GRIA1: variants seen among roughly 807,000 people sequenced by gnomAD.
GRIA1 encodes glutamate receptor 1.
Under a neutral mutation model 99.2 loss-of-function variants are expected in GRIA1, and 31 were observed. The ratio of observed to expected loss-of-function variants is 0.31; its 90% confidence interval spans 0.23 to 0.42. The LOEUF (loss-of-function observed/expected upper bound fraction) is 0.42, where lower values mean the gene tolerates loss of function less well. Ranked by LOEUF, GRIA1 falls within the 10% of genes least tolerant of loss-of-function variation. The probability of loss-of-function intolerance (pLI) is 1.00; values close to 1 mark genes in which losing one functional copy is unlikely to be tolerated. For synonymous variants in GRIA1, 438 were observed against 432.4 expected, an observed-to-expected ratio of 1.01 and a Z score of -0.16; for missense variants, 782 against 1,157.5, an observed-to-expected ratio of 0.68 and a Z score of 4.71.
At chr5:153,801,077 G>A (rs1765990735) in intron 14 of GRIA1, among the ~76,000 whole-genome samples, 2 of 152,268 alleles carry the variant, frequency 1.3e-5, no homozygotes, top group Non-Finnish European at 2.9e-5. Flanking sequence ...CTAGGAATGA[G>A]TATTCTCCTA....
intron 2 of GRIA1, among the ~76,000 whole-genome samples, chr5:153,627,073 G>T (rs1184367737): frequency 6.6e-6 from 1 of 152,206 alleles, no homozygotes; most frequent in South Asian, 2.1e-4. Context: ...ATGTGATTCT[G>T]CATTTCTTAT....
intron 2 of GRIA1, among the ~76,000 whole-genome samples, chr5:153,637,869 G>A (rs892937168): frequency 2.0e-5 from 3 of 152,136 alleles, no homozygotes; most frequent in Admixed American, 6.5e-5. Context: ...TGCAATTTTC[G>A]TTATTCCCTA....
intron 11 of GRIA1, among the ~76,000 whole-genome samples, chr5:153,739,769 A>G (rs1220765734): frequency 1.3e-5 from 2 of 152,188 alleles, no homozygotes; most frequent in Non-Finnish European, 2.9e-5. Flanking sequence ...AGTAAGACAC[A>G]TGACATCTCT....
chr5:153,649,349 A>C (rs1754377176), intron 3 of GRIA1, among the ~76,000 whole-genome samples: 1 of 152,246 alleles, frequency 6.6e-6, no homozygotes, highest in South Asian at 2.1e-4. Flanking sequence ...CTCCAAGAAG[A>C]AACAAAGCAG....
At chr5:153,603,172 G>A (rs1460038401) in intron 2 of GRIA1, among the ~76,000 whole-genome samples, 2 of 151,900 alleles carry the variant, frequency 1.3e-5, no homozygotes, top group Non-Finnish European at 1.5e-5. Context: ...AACATGCAGT[G>A]TTTGGTTTTT....
intron 5 of GRIA1, among the ~76,000 whole-genome samples, chr5:153,663,970 G>T (rs745557039): frequency 6.6e-6 from 1 of 152,196 alleles, no homozygotes; most frequent in Non-Finnish European, 1.5e-5. Context: ...GACCATTTCA[G>T]ATATGTAAGA....
At chr5:153,569,765 TA>T (rs1761955201) in intron 2 of GRIA1, among the ~76,000 whole-genome samples, 1 of 152,200 alleles carries the variant, frequency 6.6e-6, no homozygotes, top group African/African-American at 2.4e-5. Context: ...CAGATAGGCA[TA>T]ACTACTTACA....
At chr5:153,661,160 T>C (rs1306615941) in intron 5 of GRIA1, among the ~76,000 whole-genome samples, 2 of 152,204 alleles carry the variant, frequency 1.3e-5, no homozygotes, top group Non-Finnish European at 1.5e-5. Context: ...AAAGCTGAGC[T>C]CATCCACTTT....
intron 2 of GRIA1, among the ~76,000 whole-genome samples, chr5:153,530,716 G>A (rs960667202): frequency 6.6e-6 from 1 of 152,202 alleles, no homozygotes; most frequent in African/African-American, 2.4e-5. Flanking sequence ...TGTCCTTGAG[G>A]GCTGCCCTCT....
chr5:153,529,158 A>G (rs1403117264), intron 2 of GRIA1, among the ~76,000 whole-genome samples: 2 of 152,200 alleles, frequency 1.3e-5, no homozygotes, highest in Non-Finnish European at 2.9e-5. Context: ...CTGCTTCACA[A>G]TAAGAGGCTA....
intron 2 of GRIA1, among the ~76,000 whole-genome samples, chr5:153,621,055 A>C (rs948936790): frequency 7.9e-5 from 12 of 152,244 alleles, no homozygotes; most frequent in Non-Finnish European, 1.5e-4. Context: ...GCTGTCATGC[A>C]ACATAGTGGC....
At chr5:153,502,303 G>A (rs1372031583) in intron 2 of GRIA1, among the ~76,000 whole-genome samples, 1 of 152,152 alleles carries the variant, frequency 6.6e-6, no homozygotes, top group Admixed American at 6.5e-5. Flanking sequence ...GTGTTCAGTG[G>A]TGCTAGATGA....
chr5:153,797,322 G>A (rs985583223), intron 14 of GRIA1, among the ~76,000 whole-genome samples: 2 of 152,194 alleles, frequency 1.3e-5, no homozygotes, highest in South Asian at 2.1e-4. Context: ...ATCCATATCA[G>A]AGACTGAATG....
At chr5:153,787,483 A>AT (rs35925183) in intron 13 of GRIA1, among the ~76,000 whole-genome samples, 13,364 of 152,074 alleles carry the variant, frequency 0.088, 824 homozygotes, top group Non-Finnish European at 0.12. Flanking sequence ...GAATCTTGGA[A>AT]TTTTCAGATG....
At chr5:153,594,264 C>T (rs1467731249) in intron 2 of GRIA1, among the ~76,000 whole-genome samples, 2 of 152,166 alleles carry the variant, frequency 1.3e-5, no homozygotes, top group Admixed American at 1.3e-4. Context: ...GACTCAGACC[C>T]TTCAGTTTTA....
intron 2 of GRIA1, among the ~76,000 whole-genome samples, chr5:153,527,128 A>G (rs529296150): frequency 1.3e-5 from 2 of 152,320 alleles, no homozygotes; most frequent in African/African-American, 4.8e-5. Context: ...GCTGATCATA[A>G]TCTTGAGAAC....
chr5:153,775,998 T>A (rs1298768753), intron 13 of GRIA1, among the ~76,000 whole-genome samples: 2 of 152,160 alleles, frequency 1.3e-5, no homozygotes, highest in Admixed American at 6.5e-5. Context: ...GCTGCGGTCA[T>A]ATTGTGAAGA....
intron 2 of GRIA1, among the ~76,000 whole-genome samples, chr5:153,615,220 T>C (rs1454626848): frequency 2.0e-5 from 3 of 152,164 alleles, no homozygotes; most frequent in Admixed American, 6.5e-5. Context: ...CATCAGCAAA[T>C]ACTTACTAAG....
At chr5:153,505,986 C>T (rs559865248) in intron 2 of GRIA1, among the ~76,000 whole-genome samples, 10 of 152,286 alleles carry the variant, frequency 6.6e-5, no homozygotes, top group Admixed American at 4.6e-4. Context: ...ATGTCGAAAT[C>T]CAGCCCCATG....
Sources: gnomAD v4.1 joint callset for allele counts (sites outside exome capture counted in the v4.1 genomes callset) on GRCh38, gnomAD v4.1.1 for gene constraint, MANE v1.5 for transcripts, NCBI Gene and HGNC (gene_info 2026-07-23, HGNC 2026-07-21) for gene names.